The following CSMD1 variants were observed in gnomAD, a reference collection of about 807,000 sequenced individuals.
CSMD1 encodes CUB and sushi domain-containing protein 1.
A neutral mutation model predicts 417.5 loss-of-function variants in CSMD1; 213 were observed. The observed-to-expected ratio is 0.51, with a 90% confidence interval of 0.46 to 0.57. The LOEUF is 0.57. Among genes scored for constraint, CSMD1 ranks in the 20% least tolerant of loss-of-function variants. The pLI is 0.00. For synonymous variants in CSMD1, 2,862 were observed against 1,736.8 expected (o/e 1.65, Z -16.11); for missense variants, 6,923 against 4,529.7 (o/e 1.53, Z -15.17).
At chr8:4,009,770 G>T (rs1189473619) in intron 4 of CSMD1, among the ~76,000 whole-genome samples, 1 of 151,978 alleles carries the variant, frequency 6.6e-6, no homozygotes, top group Non-Finnish European at 1.5e-5. Flanking sequence ...AGAATGAAAG[G>T]AACCCAGAGA....
At chr8:4,550,231 G>C (rs1253865504) in intron 2 of CSMD1, among the ~76,000 whole-genome samples, 1 of 151,760 alleles carries the variant, frequency 6.6e-6, no homozygotes, top group Non-Finnish European at 1.5e-5. Flanking sequence ...ACATTTCTCA[G>C]CCTTCACTTT....
chr8:3,731,819 T>G (rs7835736), intron 6 of CSMD1, among the ~76,000 whole-genome samples: 1 of 152,134 alleles, frequency 6.6e-6, no homozygotes, highest in Non-Finnish European at 1.5e-5. Flanking sequence ...TTTCATTTAC[T>G]CCTCACCACC....
intron 42 of CSMD1, among the ~76,000 whole-genome samples, chr8:3,115,214 T>C (rs11986081): frequency 0.27 from 36,958 of 138,364 alleles, 8,263 homozygotes; most frequent in African/African-American, 0.59. Context: ...CCCTTTTTTT[T>C]TTTTGAGATG....
chr8:3,165,050 A>C (rs1325521504), intron 37 of CSMD1, among the ~76,000 whole-genome samples: 1 of 151,984 alleles, frequency 6.6e-6, no homozygotes. Context: ...AAAAACACAC[A>C]AAAATACCAT....
At chr8:4,450,848 G>T (rs971909782) in intron 2 of CSMD1, among the ~76,000 whole-genome samples, 2 of 152,166 alleles carry the variant, frequency 1.3e-5, no homozygotes, top group African/African-American at 2.4e-5. Context: ...GGTGGTGGAT[G>T]TGAGAGGAAC....
intron 3 of CSMD1, among the ~76,000 whole-genome samples, chr8:4,231,815 A>G (rs1473739384): frequency 1.3e-5 from 2 of 152,210 alleles, no homozygotes; most frequent in African/African-American, 4.8e-5. Context: ...CAAAACTGCC[A>G]GTATAGGAAA....
At chr8:3,677,670 A>C (rs1410407532) in intron 7 of CSMD1, among the ~76,000 whole-genome samples, 1 of 152,188 alleles carries the variant, frequency 6.6e-6, no homozygotes, top group East Asian at 1.9e-4. Flanking sequence ...TCTATCCTTT[A>C]GGGCTCTTTG....
chr8:3,772,197 C>T (rs200864760), intron 5 of CSMD1, among the ~76,000 whole-genome samples: 43,867 of 100,192 alleles, frequency 0.44, 12,388 homozygotes, highest in South Asian at 0.5. Flanking sequence ...TATACACACA[C>T]ACACACACAC....
intron 2 of CSMD1, among the ~76,000 whole-genome samples, chr8:4,446,643 T>G (rs1563183008): frequency 1.3e-5 from 2 of 152,140 alleles, no homozygotes; most frequent in Non-Finnish European, 2.9e-5. Flanking sequence ...AAACTCTGCC[T>G]CCTAGATTTG....
chr8:4,754,162 C>A (rs574537667), intron 1 of CSMD1, among the ~76,000 whole-genome samples: 8 of 152,214 alleles, frequency 5.3e-5, no homozygotes, highest in Non-Finnish European at 8.8e-5. Flanking sequence ...TCTGATTGAG[C>A]AAAGCATGGG....
Position 4,412,634 on chromosome 8 carries a change from G to A in CSMD1, c.415+7319C>T, listed in dbSNP as rs997582517. ...TGAAGTTGCAATGGTCTATTCCAACGGAATCAGAAACTAGATTTTCTGATG... is the reference window on the plus strand; with the variant it reads ...TGAAGTTGCAATGGTCTATTCCAACAGAATCAGAAACTAGATTTTCTGATG... On this transcript the variant is annotated intron_variant, in intron 3 of 69. Transcript: ENST00000635120. Among the ~76,000 whole-genome samples, 6 of 152,174 alleles carry A rather than the reference G, an allele frequency of 3.9e-5. No individual in the cohort carries two copies. In the East Asian group the frequency reaches 7.7e-4, roughly 20 times the overall value.
chr8:3,612,484 CCAA>C (rs1801942847), intron 8 of CSMD1, among the ~76,000 whole-genome samples: 1 of 152,026 alleles, frequency 6.6e-6, no homozygotes, highest in Non-Finnish European at 1.5e-5. Context: ...AACACTTCAC[CCAA>C]CAACACTAAA....
rs544929789 is a variant in CSMD1, at chr8:4,306,637, G to C, written c.415+113316C>G. Among the ~76,000 whole-genome samples the C allele has an allele frequency of 2.1e-4, 32 of 152,132 alleles. No individual in the cohort carries two copies. In the South Asian group the frequency reaches 6.4e-3, roughly 31 times the overall value. ...CTCTTCAATCTCATTCACACATCTG[G>C]ATGTATCCATTGTCGATCACATGTA... On this transcript the variant is annotated intron_variant, in intron 3 of 69. Transcript: ENST00000635120.
In CSMD1 at chr8:4,386,778, G is replaced by T. The variant is rs952161127; in HGVS notation, c.415+33175C>A. 5.3e-5 allele frequency among the ~76,000 whole-genome samples: 8 copies of T among 152,280 alleles called. No homozygotes were observed. The East Asian group carries it at 1.5e-3, about 29-fold the overall frequency. On this transcript the variant is annotated intron_variant, in intron 3 of 69. Transcript: ENST00000635120. ...TTAGGGGTAGAAACAGTTGGTTTCAGTTGAAGAGATACAATAAAAAAATAT... is the reference window on the plus strand; with the variant it reads ...TTAGGGGTAGAAACAGTTGGTTTCATTTGAAGAGATACAATAAAAAAATAT...
rs560866352 is a variant in CSMD1 at position 4,227,057 on chromosome 8, G to C, written c.415+192896C>G. On this transcript the variant is annotated intron_variant, in intron 3 of 69. Coordinates refer to ENST00000635120, the MANE Select transcript of CSMD1 (RefSeq NM_033225.6). The stretch of plus-strand genomic sequence containing the variant: ...GTCTGTATCAACTCTAAGACTGAAC[G>C]ACTCTGAAGGTGAAATAATAAATGA... Among the ~76,000 whole-genome samples, 99 of 152,258 alleles carry C rather than the reference G, an allele frequency of 6.5e-4. 1 individual carries two copies. The highest frequency in any genetic ancestry group is 1.3e-3 in the Non-Finnish European group (87 of 68,010).
chr8:3,007,686 C>T (rs1347445419), intron 52 of CSMD1, among the ~76,000 whole-genome samples: 1 of 149,682 alleles, frequency 6.7e-6, no homozygotes, highest in Non-Finnish European at 1.5e-5. Context: ...AAACCAAACA[C>T]CGCATATTCT....
At chr8:4,444,749 T>A (rs1170340557) in intron 2 of CSMD1, among the ~76,000 whole-genome samples, 1 of 152,158 alleles carries the variant, frequency 6.6e-6, no homozygotes, top group Non-Finnish European at 1.5e-5. Flanking sequence ...ATGATATGAA[T>A]ATGTCTACCT....
chr8:3,312,518 G>A (rs982910992), intron 23 of CSMD1, among the ~76,000 whole-genome samples: 1 of 152,152 alleles, frequency 6.6e-6, no homozygotes, highest in Non-Finnish European at 1.5e-5. Flanking sequence ...CCAATTTTCA[G>A]TAGACTGAAG....
chr8:3,392,174 T>A (rs895080764), intron 17 of CSMD1, among the ~76,000 whole-genome samples: 1 of 151,414 alleles, frequency 6.6e-6, no homozygotes, highest in African/African-American at 2.4e-5. Flanking sequence ...AGTTAATGGG[T>A]GCACCACATC....
Sources: gnomAD v4.1 joint callset for allele counts (sites outside exome capture counted in the v4.1 genomes callset) on GRCh38, gnomAD v4.1.1 for gene constraint, MANE v1.5 for transcripts, NCBI Gene and HGNC (gene_info 2026-07-23, HGNC 2026-07-21) for gene names.